Variants in FAM117A observed in about 807,000 individuals in gnomAD.
FAM117A encodes protein FAM117A.
Under a neutral mutation model 44.1 loss-of-function variants are expected in FAM117A, and 21 were observed. The ratio of observed to expected loss-of-function variants is 0.48; its 90% CI spans 0.34 to 0.69. The LOEUF (loss-of-function observed/expected upper bound fraction) is 0.69. Ranked by LOEUF, FAM117A falls within the 30% of genes least tolerant of loss-of-function variation. The pLI is 0.01. For synonymous variants in FAM117A, 220 were observed against 238.3 expected (o/e 0.92, Z 0.71); for missense variants, 498 against 589.9 (o/e 0.84, Z 1.61).
chr17:49,734,223 A>G (rs2073600287), intron 1 of FAM117A, among the ~76,000 whole-genome samples: 1 of 152,126 alleles, frequency 6.6e-6, no homozygotes, highest in Non-Finnish European at 1.5e-5. Flanking sequence ...TAATCCCTTA[A>G]TAATTCACAT....
intron 5 of FAM117A, among the ~76,000 whole-genome samples, chr17:49,718,229 T>A (rs1370889521): frequency 1.3e-5 from 2 of 152,238 alleles, no homozygotes; most frequent in Non-Finnish European, 2.9e-5. Flanking sequence ...ATTATGTGCA[T>A]GTGTTTGGGT....
chr17:49,720,850 G>A (rs1271376136), intron 3 of FAM117A, among the ~76,000 whole-genome samples: 1 of 152,020 alleles, frequency 6.6e-6, no homozygotes, highest in African/African-American at 2.4e-5. Flanking sequence ...GAGTAGCTGG[G>A]ATTACAGGCA....
intron 1 of FAM117A, among the ~76,000 whole-genome samples, chr17:49,783,775 G>A (rs1476981686): frequency 6.6e-6 from 1 of 152,208 alleles, no homozygotes; most frequent in Non-Finnish European, 1.5e-5. Flanking sequence ...TGCCTCAGAA[G>A]TTATGAGATT....
In FAM117A at chr17:49,722,574, C is replaced by G; in HGVS notation, c.387G>C (p.Glu129Asp). ...AGGAACTGGCACGCTCACCTTCTAG[C>G]TCTTGCCAGGACAGGGGCGTCTGCA... ...KATQTPLSWQ[E>D]LEGERASSCA... Residue 129 changes from glutamate to aspartate, a missense_variant, in exon 3 of 8, where the codon GAG (glutamate) becomes GAC (aspartate). By Grantham distance (45) the Glu-to-Asp change is conservative (BLOSUM62 2). This residue lies in a region of FAM117A where 270 missense variants were observed against 277.4 expected (regional missense o/e 0.97). Transcript: ENST00000240364. 6.2e-7 allele frequency: 1 copy of G among 1,613,920 alleles called. No homozygotes were observed. Among genetic ancestry groups the G allele is most frequent in the Non-Finnish European group, 8.5e-7 (1 of 1,179,910 alleles).
At chr17:49,771,884 T>C (rs2073761909) in intron 1 of FAM117A, among the ~76,000 whole-genome samples, 1 of 152,178 alleles carries the variant, frequency 6.6e-6, no homozygotes, top group East Asian at 1.9e-4. Flanking sequence ...GCCTCAAAAC[T>C]ACAATTGTCC....
intron 1 of FAM117A, among the ~76,000 whole-genome samples, chr17:49,778,859 A>T (rs1314319061): frequency 6.6e-6 from 1 of 152,248 alleles, no homozygotes; most frequent in Non-Finnish European, 1.5e-5. Flanking sequence ...GTATAATTAC[A>T]AACTGAGACA....
chr17:49,782,951 T>G (rs1365779709), intron 1 of FAM117A, among the ~76,000 whole-genome samples: 3 of 152,166 alleles, frequency 2.0e-5, no homozygotes, highest in Non-Finnish European at 2.9e-5. Flanking sequence ...AAACATTTGT[T>G]GAATGTATAA....
chr17:49,723,010 TC>T (rs1414407737), intron 2 of FAM117A, among the ~76,000 whole-genome samples: 1 of 152,140 alleles, frequency 6.6e-6, no homozygotes, highest in East Asian at 1.9e-4. Context: ...AGGCCCAGGC[TC>T]CTGGGAGCCT....
At chr17:49,784,474 T>A (rs1053219288) in intron 1 of FAM117A, among the ~76,000 whole-genome samples, 26 of 152,182 alleles carry the variant, frequency 1.7e-4, no homozygotes, top group African/African-American at 5.8e-4. Flanking sequence ...TCCAGTTCAG[T>A]CTCCACAGAA....
chr17:49,786,757 C>G (rs2073808981), intron 1 of FAM117A, among the ~76,000 whole-genome samples: 1 of 124,468 alleles, frequency 8.0e-6, no homozygotes, highest in Non-Finnish European at 1.7e-5. Flanking sequence ...AGCCTGGCAA[C>G]AAGAGCAAAA....
chr17:49,775,644 G>A (rs899182035), intron 1 of FAM117A, among the ~76,000 whole-genome samples: 4 of 152,178 alleles, frequency 2.6e-5, no homozygotes, highest in African/African-American at 4.8e-5. Context: ...GTTGTGCAGC[G>A]GAAGGGCCTG....
chr17:49,782,231 A>G (rs1567840280), intron 1 of FAM117A, among the ~76,000 whole-genome samples: 1 of 151,556 alleles, frequency 6.6e-6, no homozygotes. Context: ...AAAAAAAATT[A>G]GCCAGTGTGG....
In FAM117A at chr17:49,717,528, T is replaced by C. The variant is rs750520978; in HGVS notation, c.895A>G (p.Thr299Ala). The C allele has an allele frequency of 2.5e-6, 4 of 1,613,640 alleles. No homozygotes were observed. In the Admixed American group the frequency reaches 5.0e-5, roughly 20 times the overall value. Residue 299 changes from threonine (T) to alanine (A), a missense_variant, in exon 6 of 8, where the codon ACC (threonine) becomes GCC (alanine). Physicochemically the swap from Thr to Ala is moderately conservative, Grantham distance 58 (BLOSUM62 0). This residue lies in a region of FAM117A where 224 missense variants were observed against 296.5 expected (regional missense o/e 0.76). Coordinates refer to ENST00000240364, the MANE Select transcript of FAM117A (RefSeq NM_030802.4). ...CGCGGCTTACCTTTGTCGTTGGGGG[T>C]GGATGCCAGCTCCTCGGCGGCACCC... ...HRGAAEELASTPNDKASSPGH... is the reference protein window; with the variant it reads ...HRGAAEELASAPNDKASSPGH...
intron 1 of FAM117A, among the ~76,000 whole-genome samples, chr17:49,752,845 T>C (rs544831760): frequency 6.6e-6 from 1 of 152,228 alleles, no homozygotes; most frequent in South Asian, 2.1e-4. Context: ...AACGGACTTC[T>C]TTGCAGCCCA....
At chr17:49,720,122 G>C (rs2073526451) in intron 4 of FAM117A, 1 of 675,334 alleles carries the variant, frequency 1.5e-6, no homozygotes, top group Non-Finnish European at 2.5e-6. Flanking sequence ...AATTATATGG[G>C]GATGGGGGTA....
intron 1 of FAM117A, among the ~76,000 whole-genome samples, chr17:49,742,985 T>C (rs1300481382): frequency 6.6e-6 from 1 of 152,146 alleles, no homozygotes; most frequent in Non-Finnish European, 1.5e-5. Flanking sequence ...GGGCTGAGCT[T>C]CCAAGGTGAT....
chr17:49,763,753 T>G, intron 1 of FAM117A, 139 bp downstream of exon 1: 2 of 442,552 alleles, frequency 4.5e-6, no homozygotes, highest in Non-Finnish European at 7.3e-6. Context: ...TCCGCCCTCA[T>G]AGACTCTGAA....
At chr17:49,752,160 T>A (rs977145858) in intron 1 of FAM117A, among the ~76,000 whole-genome samples, 3 of 151,974 alleles carry the variant, frequency 2.0e-5, no homozygotes, top group African/African-American at 7.3e-5. Context: ...CTTGGGAGGG[T>A]TAGATAACCT....
chr17:49,720,454 AGAC>A lies in FAM117A; in HGVS notation c.463-21_463-19del. The A allele has an allele frequency of 6.2e-7, 1 of 1,606,280 alleles. No homozygotes were observed. Among genetic ancestry groups the A allele is most frequent in the Non-Finnish European group, 8.5e-7 (1 of 1,175,534 alleles). On this transcript the variant is annotated intron_variant, in intron 3 of 7. Coordinates refer to ENST00000240364, the MANE Select transcript of FAM117A (RefSeq NM_030802.4). ...TTGGAAATCTAGCAGCCCAGAGAGA[AGAC>A]GACAGAGGCAGATTAAGGAAAGCCA...
Sources: allele counts gnomAD v4.1 joint callset (sites outside exome capture counted in the v4.1 genomes callset), GRCh38; gene constraint gnomAD v4.1.1; regional missense constraint gnomAD v4.1.1; transcripts MANE v1.5; gene names NCBI Gene and HGNC (gene_info 2026-07-23, HGNC 2026-07-21).